TJP3: variants seen among roughly 807,000 people sequenced by gnomAD.
The protein encoded by TJP3 is tight junction protein 3.
TJP3 carries 85 observed loss-of-function variants against 104.2 expected under a neutral mutation model. The observed-to-expected ratio is 0.82, with a 90% CI of 0.68 to 0.98. TJP3 has a LOEUF of 0.98. TJP3 is among the 50% of genes least tolerant of loss of function. The pLI is 0.00. For missense variants in TJP3, 1,367 were observed against 1,322.8 expected, an observed-to-expected ratio of 1.03 and a Z score of -0.52; for synonymous variants, 550 against 550.6, an observed-to-expected ratio of 1.00 and a Z score of 0.02.
chr19:3,711,405 G>T (rs2036432909), intron 1 of TJP3, among the ~76,000 whole-genome samples: 1 of 149,366 alleles, frequency 6.7e-6, no homozygotes, highest in Non-Finnish European at 1.5e-5. Flanking sequence ...CACCGTATTG[G>T]TCAGGCTGGT....
Position 3,735,638 on chromosome 19 carries a change from A to G in TJP3, c.1059A>G (p.Ser353=), listed in dbSNP as rs1486157066. 2 of 1,614,088 alleles carry G rather than the reference A, an allele frequency of 1.2e-6. No homozygotes were observed. The highest frequency in any genetic ancestry group is 1.7e-6 in the Non-Finnish European group (2 of 1,180,046). The change falls in exon 9 of 21, where the codon TCA becomes TCG. Residue 353 remains serine (S), a splice_region_variant and synonymous_variant. Transcript: ENST00000541714. ...TCTCGGAACCAGATGAGCAACGGTC[A>G]GGTGGGTGGTGACTCTGAGCACCCC... is the stretch of plus-strand genomic sequence containing the variant. ...RTISEPDEQR[S]ELPRESSYDI...
At chr19:3,743,404 C>T (rs2036847988) in intron 14 of TJP3, among the ~76,000 whole-genome samples, 2 of 152,190 alleles carry the variant, frequency 1.3e-5, no homozygotes, top group African/African-American at 4.8e-5. Flanking sequence ...ATCTGGTAGG[C>T]CAGGTGTCAA....
intron 19 of TJP3, among the ~76,000 whole-genome samples, chr19:3,748,850 T>TC (rs2036945747): frequency 4.0e-5 from 2 of 50,034 alleles, no homozygotes; most frequent in Non-Finnish European, 7.1e-5. Context: ...CACCCGGCCT[T>TC]TTTTTTTTTT....
intron 1 of TJP3, among the ~76,000 whole-genome samples, chr19:3,719,336 A>G (rs1472974303): frequency 6.6e-6 from 1 of 152,142 alleles, no homozygotes; most frequent in Non-Finnish European, 1.5e-5. Context: ...GTGTTTCTAC[A>G]TTGGCTCAGC....
chr19:3,724,698 G>C (rs1029300429), intron 1 of TJP3, among the ~76,000 whole-genome samples: 1 of 152,138 alleles, frequency 6.6e-6, no homozygotes, highest in African/African-American at 2.4e-5. Context: ...CACCATGCCC[G>C]GCTAATTTTT....
chr19:3,723,808 A>AAAT (rs368301716), intron 1 of TJP3, among the ~76,000 whole-genome samples: 7,963 of 128,598 alleles, frequency 0.062, 283 homozygotes, highest in Non-Finnish European at 0.085. Flanking sequence ...AAAAAAAAAA[A>AAAT]ATATATATAT....
intron 1 of TJP3, among the ~76,000 whole-genome samples, chr19:3,709,877 C>T (rs988005587): frequency 3.9e-5 from 6 of 152,112 alleles, no homozygotes; most frequent in East Asian, 1.9e-4. Context: ...GGGCCGGGCG[C>T]GGTGGCTCAC....
rs1168728038 is a variant in TJP3 at position 3,736,389 on chromosome 19, C to A, written c.1284+68C>A. ...GCAGTGTGCTAGGTCCTGCCCTTGT[C>A]TGTTCCAGTCCTCCCCTTGGGTCCA... On this transcript the variant is annotated intron_variant, in intron 11 of 20. Transcript: ENST00000541714. The A allele has an allele frequency of 4.3e-6, 6 of 1,403,320 alleles. No individual in the cohort carries two copies. In the Admixed American group the frequency reaches 9.4e-5, roughly 22 times the overall value. 86.9% of individuals were successfully genotyped at this position (1,403,320 alleles called of 1,614,324 possible). A position where few individuals can be genotyped will look rare whatever the true frequency, so the allele number is the denominator to read the frequency against.
At chr19:3,745,471 A>G (rs1045663630) in intron 15 of TJP3, among the ~76,000 whole-genome samples, 1 of 152,110 alleles carries the variant, frequency 6.6e-6, no homozygotes, top group African/African-American at 2.4e-5. Flanking sequence ...CACAAAAACA[A>G]AAAGGGGGGA....
intron 1 of TJP3, among the ~76,000 whole-genome samples, chr19:3,715,895 C>T (rs138485000): frequency 0.02 from 3,092 of 152,182 alleles, 106 homozygotes; most frequent in African/African-American, 0.071. Context: ...TCTCCTGCCT[C>T]GGCCTCCCGA....
rs534234839 is a variant in TJP3, at chr19:3,709,240, C to T, written c.-10+679C>T. Reference sequence around the variant, plus strand: ...CCTCCCGAGTAGCTGGGATTACAAGCGCCCACCACTATGCCCAGCTAATTT... The same window carrying T: ...CCTCCCGAGTAGCTGGGATTACAAGTGCCCACCACTATGCCCAGCTAATTT... On this transcript the variant is annotated intron_variant, in intron 1 of 20. Transcript: ENST00000541714. Among the ~76,000 whole-genome samples the T allele has an allele frequency of 1.1e-3, 164 of 152,180 alleles. No individual in the cohort carries two copies. In the Middle Eastern group the frequency reaches 0.014, roughly 13 times the overall value.
intron 1 of TJP3, among the ~76,000 whole-genome samples, chr19:3,709,726 C>T (rs76659614): frequency 0.013 from 1,977 of 152,148 alleles, 45 homozygotes; most frequent in African/African-American, 0.046. Context: ...GCTTGAGATT[C>T]GGGAGTCCGT....
In TJP3 at chr19:3,725,990, C is replaced by T. The variant is rs550051351; in HGVS notation, c.-9-2434C>T. ...CTGCTCTGTTTCTCTCCCCTCCACCCGCCTTCCCACTCCTGGAGATCAGGA... is the reference window on the plus strand; with the variant it reads ...CTGCTCTGTTTCTCTCCCCTCCACCTGCCTTCCCACTCCTGGAGATCAGGA... On this transcript the variant is annotated intron_variant, in intron 1 of 20. Coordinates refer to ENST00000541714, the MANE Select transcript of TJP3 (RefSeq NM_001267560.2). 7.9e-5 allele frequency among the ~76,000 whole-genome samples: 12 copies of T among 152,364 alleles called. No individual in the cohort carries two copies. The East Asian group carries it at 1.9e-3, about 25-fold the overall frequency.
chr19:3,720,958 A>T (rs1436217241), intron 1 of TJP3, among the ~76,000 whole-genome samples: 1 of 126,132 alleles, frequency 7.9e-6, no homozygotes, highest in Non-Finnish European at 1.6e-5. Flanking sequence ...CCCAGACTGG[A>T]GTGCAGTGGC....
intron 1 of TJP3, among the ~76,000 whole-genome samples, chr19:3,717,532 G>C (rs530392030): frequency 6.6e-6 from 1 of 151,050 alleles, no homozygotes; most frequent in Non-Finnish European, 1.5e-5. Context: ...GCCTCCCAGG[G>C]TCAAGTGATT....
At position 3,750,263 on chromosome 19, in the gene TJP3, A is replaced by G. The variant is rs1301420232; in HGVS notation, c.2657+79A>G. Reference sequence around the variant, plus strand: ...ACTCTGCGGACTCAGATCTAGATCCAAGCTATGCCTTCATGGTGCCCCTAG... The same window carrying G: ...ACTCTGCGGACTCAGATCTAGATCCGAGCTATGCCTTCATGGTGCCCCTAG... On this transcript the variant is annotated intron_variant, in intron 20 of 20. Transcript: ENST00000541714. 6.9e-6 allele frequency: 11 copies of G among 1,582,906 alleles called. No homozygotes were observed. In the Admixed American group the frequency reaches 8.4e-5, roughly 12 times the overall value.
rs149890879 is a variant in TJP3, at chr19:3,717,044, C to T, written c.-10+8483C>T. Among the ~76,000 whole-genome samples the T allele has an allele frequency of 2.8e-4, 41 of 144,658 alleles. 1 individual carries two copies. The highest frequency in any genetic ancestry group is 9.3e-4 in the African/African-American group (38 of 40,742). The allele number at this position is 144,658 out of a possible 152,430, so 94.9% of individuals were successfully genotyped here. A position where few individuals can be genotyped will look rare whatever the true frequency, so the allele number is the denominator to read the frequency against. ...GCAATGGCCCGATTTCGGCTCACTGCAACCTCCGCCTCCCGGGCTCAAGCA... is the reference window on the plus strand; with the variant it reads ...GCAATGGCCCGATTTCGGCTCACTGTAACCTCCGCCTCCCGGGCTCAAGCA... On this transcript the variant is annotated intron_variant, in intron 1 of 20. Transcript: ENST00000541714.
In TJP3 at chr19:3,746,509, A is replaced by T; in HGVS notation, c.2035A>T (p.Thr679Ser). The T allele has an allele frequency of 6.2e-7, 1 of 1,612,620 alleles. No homozygotes were observed. The highest frequency in any genetic ancestry group is 8.5e-7 in the Non-Finnish European group (1 of 1,179,700). The change falls in exon 17 of 21, where the codon ACC (threonine) becomes TCC (serine). Residue 679 changes from threonine (T) to serine (S), a missense_variant. Physicochemically the swap from Thr to Ser is moderately conservative, Grantham distance 58 (BLOSUM62 1). Coordinates refer to ENST00000541714, the MANE Select transcript of TJP3 (RefSeq NM_001267560.2). This position sits in a 1 kb window ranked among gnomAD's most constrained non-coding sequence, Gnocchi z 4.1. ...EKDKHALLDV[T>S]PSAIERLNYV... is the part of the protein sequence containing the mutation. Reference sequence around the variant, plus strand: ...GGACAAGCATGCGCTCCTGGATGTGACCCCCTCCGCCATCGAGCGCCTCAA... The same window carrying T: ...GGACAAGCATGCGCTCCTGGATGTGTCCCCCTCCGCCATCGAGCGCCTCAA...
At chr19:3,731,202 C>T (rs1004630247) in intron 5 of TJP3, among the ~76,000 whole-genome samples, 16 of 152,158 alleles carry the variant, frequency 1.1e-4, no homozygotes, top group South Asian at 6.2e-4. Context: ...CATGTCCCCG[C>T]GCTGATCCCC....
Sources: gnomAD v4.1 joint callset for allele counts (sites outside exome capture counted in the v4.1 genomes callset) on GRCh38, gnomAD v4.1.1 for gene constraint, Gnocchi (gnomAD v3.1) non-coding constraint, MANE v1.5 for transcripts, NCBI Gene and HGNC (gene_info 2026-07-23, HGNC 2026-07-21) for gene names.